KIF16B: variants seen among roughly 807,000 people sequenced by gnomAD.
KIF16B encodes kinesin family member 16B.
In KIF16B, 98 loss-of-function variants were observed where a neutral mutation model predicts 156.3. The ratio of observed to expected loss-of-function variants is 0.63; its 90% CI spans 0.53 to 0.74. KIF16B has a LOEUF of 0.74. Among genes scored for constraint, KIF16B ranks in the 30% least tolerant of loss-of-function variants. The pLI is 0.00. For synonymous variants in KIF16B, 564 were observed against 583.7 expected (o/e 0.97, Z 0.49); for missense variants, 1,421 against 1,606.5 (o/e 0.88, Z 1.97).
At chr20:16,303,264 C>A (rs1884605) in intron 25 of KIF16B, among the ~76,000 whole-genome samples, 109,814 of 152,116 alleles carry the variant, frequency 0.72, 40,561 homozygotes, top group East Asian at 0.96. Context: ...TCAGTCATTA[C>A]GTAGCAGAGC....
At chr20:16,534,088 T>G (rs1421953483) in intron 1 of KIF16B, among the ~76,000 whole-genome samples, 1 of 152,038 alleles carries the variant, frequency 6.6e-6, no homozygotes, top group Non-Finnish European at 1.5e-5. Flanking sequence ...CGAAACCCCA[T>G]CTCTACTAAA....
At chr20:16,486,045 T>C (rs576819930) in intron 12 of KIF16B, among the ~76,000 whole-genome samples, 12 of 152,302 alleles carry the variant, frequency 7.9e-5, no homozygotes, top group African/African-American at 2.6e-4. Flanking sequence ...AACTCTGATA[T>C]TGCTTTATCA....
chr20:16,521,204 G>A (rs1389899991), intron 3 of KIF16B, among the ~76,000 whole-genome samples: 1 of 152,010 alleles, frequency 6.6e-6, no homozygotes, highest in African/African-American at 2.4e-5. Context: ...CAGAAGGTGG[G>A]TAAAAACAAA....
At chr20:16,310,865 G>A (rs184990010) in intron 25 of KIF16B, among the ~76,000 whole-genome samples, 3 of 152,070 alleles carry the variant, frequency 2.0e-5, no homozygotes, top group South Asian at 2.1e-4. Flanking sequence ...GCTGTATCCC[G>A]AAACTCCTCT....
chr20:16,345,709 G>C (rs548807112), intron 23 of KIF16B, among the ~76,000 whole-genome samples: 1 of 152,320 alleles, frequency 6.6e-6, no homozygotes, highest in Admixed American at 6.5e-5. Context: ...GGTGGGTCCT[G>C]TTAACCTACA....
chr20:16,283,173 A>G (rs540491299), intron 25 of KIF16B, among the ~76,000 whole-genome samples: 3 of 152,164 alleles, frequency 2.0e-5, no homozygotes, highest in Admixed American at 1.3e-4. Flanking sequence ...GGCGAAATTA[A>G]GGATATTATG....
chr20:16,308,417 T>C (rs1233752254), intron 25 of KIF16B, among the ~76,000 whole-genome samples: 2 of 152,218 alleles, frequency 1.3e-5, no homozygotes, highest in African/African-American at 4.8e-5. Flanking sequence ...GTGATAACAC[T>C]GGGAGGTGAC....
intron 12 of KIF16B, among the ~76,000 whole-genome samples, chr20:16,452,383 A>G (rs6105605): frequency 0.038 from 5,813 of 151,740 alleles, 396 homozygotes; most frequent in African/African-American, 0.13. Flanking sequence ...AGTAAGTAAA[A>G]CTGCCATAAC....
chr20:16,523,969 C>A (rs1159411317), intron 3 of KIF16B, among the ~76,000 whole-genome samples: 1 of 152,132 alleles, frequency 6.6e-6, no homozygotes, highest in Non-Finnish European at 1.5e-5. Flanking sequence ...ACTGGCTAGC[C>A]ATATGCAGAA....
At chr20:16,532,844 C>T (rs918436760) in intron 1 of KIF16B, among the ~76,000 whole-genome samples, 1 of 152,176 alleles carries the variant, frequency 6.6e-6, no homozygotes, top group African/African-American at 2.4e-5. Context: ...AGTAATGTGG[C>T]TCATACAATG....
intron 12 of KIF16B, among the ~76,000 whole-genome samples, chr20:16,479,064 T>C (rs1386166222): frequency 6.6e-6 from 1 of 152,214 alleles, no homozygotes; most frequent in African/African-American, 2.4e-5. Flanking sequence ...ATGAATAAAC[T>C]ATGGTATAGC....
chr20:16,370,745 TTG>T (rs2064798435), intron 21 of KIF16B, 109 bp from the exon 22 acceptor site: 18 of 792,504 alleles, frequency 2.3e-5, no homozygotes, highest in South Asian at 7.1e-5. Context: ...ATAAACATAC[TTG>T]TCATTCAACA....
chr20:16,477,755 A>G (rs1057411080), intron 12 of KIF16B, among the ~76,000 whole-genome samples: 1 of 152,180 alleles, frequency 6.6e-6, no homozygotes, highest in African/African-American at 2.4e-5. Context: ...GTTTTCTACT[A>G]TAATTATGGT....
chr20:16,394,505 A>C lies in KIF16B; in HGVS notation c.1784+10308T>G, dbSNP rs76005593. 6.2e-3 allele frequency among the ~76,000 whole-genome samples: 942 copies of C among 152,356 alleles called. 9 individuals carry two copies. The highest frequency in any genetic ancestry group is 0.021 in the African/African-American group (886 of 41,580). On this transcript the variant is annotated intron_variant, in intron 17 of 25. Coordinates refer to ENST00000354981, the MANE Select transcript of KIF16B (RefSeq NM_024704.5). The stretch of plus-strand genomic sequence containing the variant: ...ATCTATAGCCAACTGTAAAGTTAGT[A>C]AATGGTCCATAAAAACGCAAGACAA...
intron 11 of KIF16B, among the ~76,000 whole-genome samples, chr20:16,497,125 T>C (rs1017363040): frequency 3.3e-5 from 5 of 152,206 alleles, no homozygotes; most frequent in African/African-American, 7.2e-5. Flanking sequence ...CTCTCTTTGG[T>C]TACTCACTGC....
chr20:16,386,251 T>C (rs1403815207), intron 17 of KIF16B, among the ~76,000 whole-genome samples: 2 of 152,000 alleles, frequency 1.3e-5, no homozygotes, highest in Non-Finnish European at 2.9e-5. Context: ...GGCCCTCTAA[T>C]GAGGCTGGGA....
chr20:16,282,324 C>T (rs924175597), intron 25 of KIF16B, among the ~76,000 whole-genome samples: 8 of 151,260 alleles, frequency 5.3e-5, no homozygotes, highest in African/African-American at 1.9e-4. Flanking sequence ...TGAGCCATCG[C>T]GCCTGACGGT....
rs141484406 is a variant in KIF16B at position 16,420,419 on chromosome 20, GT to G, written c.1612+6684del. ...TAAGGAAGTGGTAATTACTACCAGT[GT>G]TTTTTAATGGGACAGCCTAAATAAC... On this transcript the variant is annotated intron_variant, in intron 15 of 25. Coordinates refer to ENST00000354981, the MANE Select transcript of KIF16B (RefSeq NM_024704.5). 9.2e-4 allele frequency among the ~76,000 whole-genome samples: 140 copies of G among 152,232 alleles called. No homozygotes were observed. The East Asian group carries it at 0.025, about 27-fold the overall frequency.
chr20:16,544,607 C>CAAAAA lies in KIF16B; in HGVS notation c.48-16172_48-16168dup, dbSNP rs11472848. On this transcript the variant is annotated intron_variant, in intron 1 of 25. Coordinates refer to ENST00000354981, the MANE Select transcript of KIF16B (RefSeq NM_024704.5). ...GGGTGACAAGAGTGAAAAGCCATCT[C>CAAAAA]AAAAAAAAAAAAAAAAAAAAAAAAC... is the stretch of plus-strand genomic sequence containing the variant. Among the ~76,000 whole-genome samples, 20 of 64,580 alleles carry CAAAAA rather than the reference C, an allele frequency of 3.1e-4. 1 individual carries two copies. Among genetic ancestry groups the CAAAAA allele is most frequent in the Admixed American group, 8.6e-4 (4 of 4,632 alleles). 42.4% of individuals were successfully genotyped at this position (64,580 alleles called of 152,430 possible).
Sources: gnomAD v4.1 joint callset for allele counts (sites outside exome capture counted in the v4.1 genomes callset) on GRCh38, gnomAD v4.1.1 for gene constraint, MANE v1.5 for transcripts, NCBI Gene and HGNC (gene_info 2026-07-23, HGNC 2026-07-21) for gene names.